The following GFRA1 variants were observed in gnomAD, a reference collection of about 807,000 sequenced individuals.
GFRA1 encodes GDNF family receptor alpha-1.
A neutral mutation model predicts 51.6 loss-of-function variants in GFRA1; 16 were observed. The observed-to-expected ratio is 0.31, with a 90% CI of 0.21 to 0.47. The LOEUF is 0.47. Among genes scored for constraint, GFRA1 ranks in the 20% least tolerant of loss-of-function variants. The probability of loss-of-function intolerance (pLI) is 1.00; values close to 1 mark genes in which losing one functional copy is unlikely to be tolerated. For missense variants in GFRA1, 530 were observed against 594.3 expected (o/e 0.89, Z 1.13); for synonymous variants, 270 against 241.3 (o/e 1.12, Z -1.10).
chr10:116,200,431 A>T (rs1039645592), intron 5 of GFRA1, among the ~76,000 whole-genome samples: 1 of 152,196 alleles, frequency 6.6e-6, no homozygotes, highest in African/African-American at 2.4e-5. Context: ...AAGTTTTGGG[A>T]ATCTATTTCA....
At chr10:116,119,062 C>T (rs141253099) in intron 6 of GFRA1, among the ~76,000 whole-genome samples, 1 of 152,306 alleles carries the variant, frequency 6.6e-6, no homozygotes, top group Non-Finnish European at 1.5e-5. Context: ...CAGGTTACCT[C>T]TGAGAGCCCG....
At chr10:116,088,709 G>A (rs761443867) in intron 9 of GFRA1, among the ~76,000 whole-genome samples, 17 of 151,888 alleles carry the variant, frequency 1.1e-4, no homozygotes, top group African/African-American at 1.9e-4. Flanking sequence ...TCACAAGGTC[G>A]GGAGATCGAG....
intron 10 of GFRA1, 57 bp downstream of exon 10, chr10:116,065,506 CTGCCCCCAGG>C (rs1351933667): frequency 7.8e-7 from 1 of 1,284,508 alleles, no homozygotes; most frequent in Non-Finnish European, 1.1e-6. Context: ...ATATGATACC[CTGCCCCCAGG>C]GGCCCAAAGG....
intron 10 of GFRA1, 113 bp from the exon 11 acceptor site, chr10:116,064,657 T>G (rs555739795): frequency 2.1e-6 from 2 of 936,380 alleles, no homozygotes; most frequent in Non-Finnish European, 3.5e-6. Context: ...TCACCAAAGC[T>G]GACCAAGATT....
At chr10:116,089,684 G>C (rs1044115564) in intron 9 of GFRA1, 57 bp downstream of exon 9, 4 of 1,451,242 alleles carry the variant, frequency 2.8e-6, no homozygotes, top group Middle Eastern at 2.0e-4. Context: ...GTCTGCCCGT[G>C]TTTCACCCCC....
Position 116,271,957 on chromosome 10 carries a change from G to A in GFRA1, c.40+33C>T, listed in dbSNP as rs776152315. ...CAAGCGACCCTAGGAAAGACTCAGA[G>A]GGTAAGAAAGCCCGCGGCGGGCCTC... On this transcript the variant is annotated intron_variant, in intron 2 of 10. Transcript: ENST00000355422. 80 of 1,534,302 alleles carry A rather than the reference G, an allele frequency of 5.2e-5. 1 individual carries two copies. The highest frequency in any genetic ancestry group is 6.9e-5 in the Non-Finnish European group (78 of 1,131,514).
intron 5 of GFRA1, among the ~76,000 whole-genome samples, chr10:116,194,041 T>TA (rs903350740): frequency 4.1e-4 from 19 of 46,658 alleles, no homozygotes; most frequent in East Asian, 1.9e-3. Context: ...TCCGTCTCAA[T>TA]AAAAAAAAAT....
At chr10:116,260,921 G>A (rs928079084) in intron 4 of GFRA1, among the ~76,000 whole-genome samples, 1 of 152,136 alleles carries the variant, frequency 6.6e-6, no homozygotes, top group Non-Finnish European at 1.5e-5. Flanking sequence ...AAAAAAATCT[G>A]AGGGCTTAAC....
At position 116,117,560 on chromosome 10, in the gene GFRA1, G is replaced by GATGT. The variant is rs1957469215; in HGVS notation, c.770+7660_770+7661insACAT. 5.8e-5 allele frequency among the ~76,000 whole-genome samples: 8 copies of GATGT among 138,910 alleles called. No individual in the cohort carries two copies. The South Asian group carries it at 1.9e-3, about 32-fold the overall frequency. The allele number at this position is 138,910 out of a possible 152,430, so 91.1% of individuals were successfully genotyped here. On this transcript the variant is annotated intron_variant, in intron 6 of 10. Coordinates refer to ENST00000355422, the MANE Select transcript of GFRA1 (RefSeq NM_005264.8). ...GGGTGGGTGGGTGGGTGGGTGTGTG[G>GATGT]ATGGATGGATGGATGGATGGATGGA...
At chr10:116,214,097 A>C (rs901031676) in intron 4 of GFRA1, among the ~76,000 whole-genome samples, 1 of 132,954 alleles carries the variant, frequency 7.5e-6, no homozygotes, top group African/African-American at 2.9e-5. Context: ...AGCTCCCTAA[A>C]TATACCACTT....
intron 5 of GFRA1, among the ~76,000 whole-genome samples, chr10:116,170,399 T>C (rs1181385884): frequency 6.6e-6 from 1 of 152,232 alleles, no homozygotes; most frequent in African/African-American, 2.4e-5. Context: ...AGATAATTCA[T>C]GTAAAATGCC....
intron 4 of GFRA1, among the ~76,000 whole-genome samples, chr10:116,242,525 A>G (rs931629418): frequency 6.6e-6 from 1 of 151,664 alleles, no homozygotes; most frequent in Non-Finnish European, 1.5e-5. Context: ...TGTGTCGCCC[A>G]GGCTGGAGTG....
At chr10:116,148,592 T>C (rs1162538792) in intron 5 of GFRA1, among the ~76,000 whole-genome samples, 1 of 152,196 alleles carries the variant, frequency 6.6e-6, no homozygotes, top group African/African-American at 2.4e-5. Flanking sequence ...TTGTTAGTTT[T>C]ATCATTCACC....
intron 9 of GFRA1, among the ~76,000 whole-genome samples, chr10:116,082,880 G>T (rs1002880577): frequency 6.6e-6 from 1 of 152,034 alleles, no homozygotes; most frequent in Non-Finnish European, 1.5e-5. Flanking sequence ...TTCCTTTCTG[G>T]CCCCAGCCTC....
chr10:116,084,337 A>G (rs1955992161), intron 9 of GFRA1, among the ~76,000 whole-genome samples: 1 of 152,206 alleles, frequency 6.6e-6, no homozygotes, highest in Non-Finnish European at 1.5e-5. Flanking sequence ...TAAAAGTCCC[A>G]CCAGGATGAG....
chr10:116,132,580 G>A (rs914415425), intron 5 of GFRA1, among the ~76,000 whole-genome samples: 2 of 150,994 alleles, frequency 1.3e-5, no homozygotes, highest in Admixed American at 1.3e-4. Context: ...CCCTCCTTTC[G>A]CCCGCTAACT....
chr10:116,101,599 G>T (rs1310702737), intron 6 of GFRA1, among the ~76,000 whole-genome samples: 1 of 152,180 alleles, frequency 6.6e-6, no homozygotes, highest in Non-Finnish European at 1.5e-5. Context: ...ATGGTCTTCT[G>T]ACAGTGGGGA....
intron 5 of GFRA1, among the ~76,000 whole-genome samples, chr10:116,135,838 T>A (rs913650628): frequency 6.7e-6 from 1 of 148,522 alleles, no homozygotes; most frequent in African/African-American, 2.6e-5. Flanking sequence ...TTAGTAATAG[T>A]CAGTCTAAGA....
intron 4 of GFRA1, among the ~76,000 whole-genome samples, chr10:116,229,852 T>A (rs1320122263): frequency 6.6e-6 from 1 of 152,154 alleles, no homozygotes; most frequent in Non-Finnish European, 1.5e-5. Context: ...AGAAAATAGT[T>A]TATTTTAACC....
Sources: allele counts gnomAD v4.1 joint callset (sites outside exome capture counted in the v4.1 genomes callset), GRCh38; gene constraint gnomAD v4.1.1; transcripts MANE v1.5; gene names NCBI Gene and HGNC (gene_info 2026-07-23, HGNC 2026-07-21).